The following SPRY4 variants were observed in gnomAD, a reference collection of about 807,000 sequenced individuals.
SPRY4 encodes the protein sprouty RTK signaling antagonist 4, also known as protein sprouty homolog 4.
SPRY4 carries 7 observed loss-of-function variants against 17.0 expected under a neutral mutation model. The observed-to-expected ratio is 0.41, with a 90% CI of 0.23 to 0.77. The LOEUF (loss-of-function observed/expected upper bound fraction) is 0.77. SPRY4 is among the 30% of genes least tolerant of loss of function. The pLI is 0.32. For synonymous variants in SPRY4, 183 were observed against 174.1 expected (o/e 1.05, Z -0.40); for missense variants, 435 against 419.9 (o/e 1.04, Z -0.31).
chr5:142,320,324 C>T (rs1010034056), intron 1 of SPRY4, among the ~76,000 whole-genome samples: 1 of 152,040 alleles, frequency 6.6e-6, no homozygotes, highest in African/African-American at 2.4e-5. Flanking sequence ...ATCTTTCTTC[C>T]TTCCCCCACC....
In SPRY4 at chr5:142,313,743, T is replaced by C. The variant is rs1160614014; in HGVS notation, c.*466A>G. 5.9e-6 allele frequency: 1 copy of C among 170,628 alleles called. No homozygotes were observed. The highest frequency in any genetic ancestry group is 1.3e-5 in the Non-Finnish European group (1 of 77,966). 10.6% of individuals were successfully genotyped at this position (170,628 alleles called of 1,614,324 possible). ...GTATAGAAGACTCCAAGGGTCTTCT[T>C]TAAAGGTACCCTGGTACTCAGTTAA... On this transcript the variant is annotated 3_prime_UTR_variant, in exon 2 of 2. Coordinates refer to ENST00000434127, the MANE Select transcript of SPRY4 (RefSeq NM_001127496.3).
chr5:142,318,465 G>A (rs1477086044), intron 1 of SPRY4, among the ~76,000 whole-genome samples: 1 of 151,048 alleles, frequency 6.6e-6, no homozygotes, highest in Non-Finnish European at 1.5e-5. Context: ...TAGCCTGAGT[G>A]ACAGAGCAAG....
intron 1 of SPRY4, chr5:142,317,433 T>C (rs1759192930): frequency 1.0e-6 from 1 of 985,186 alleles, no homozygotes. Context: ...CCCCGGACAA[T>C]GATAACATGA....
At position 142,313,019 on chromosome 5, in the gene SPRY4, A is replaced by T. The variant is rs960184123; in HGVS notation, c.*1190T>A. 8.5e-5 allele frequency: 13 copies of T among 152,572 alleles called. No individual in the cohort carries two copies. The highest frequency in any genetic ancestry group is 2.7e-4 in the African/African-American group (11 of 41,432). The allele number at this position is 152,572 out of a possible 1,614,324, so 9.5% of individuals were successfully genotyped here. On this transcript the variant is annotated 3_prime_UTR_variant, in exon 2 of 2. Transcript: ENST00000434127. ...TAAAGATACAGACACATCACTATAC[A>T]CAAAAGGCTATGACAGTGAGCAGCA...
At position 142,310,725 on chromosome 5, in the gene SPRY4, T is replaced by TTG. The variant is rs1561644017; in HGVS notation, c.*3483_*3484insCA. On this transcript the variant is annotated 3_prime_UTR_variant, in exon 2 of 2. Coordinates refer to ENST00000434127, the MANE Select transcript of SPRY4 (RefSeq NM_001127496.3). Reference sequence around the variant, plus strand: ...AACATGAAACCAAGCTGTGGGACAGTAAGAAGAGAAAGCAAGGCAAGACAC... The same window carrying TTG: ...AACATGAAACCAAGCTGTGGGACAGTTGAAGAAGAGAAAGCAAGGCAAGACAC... 6.6e-6 allele frequency: 1 copy of TTG among 151,864 alleles called. No individual in the cohort carries two copies. The highest frequency in any genetic ancestry group is 1.5e-5 in the Non-Finnish European group (1 of 67,972). 9.4% of individuals were successfully genotyped at this position (151,864 alleles called of 1,614,324 possible).
rs757791208 is a variant in SPRY4 at position 142,317,619 on chromosome 5, CTTT to C, written c.-47-2467_-47-2465del. 1.1e-5 allele frequency: 10 copies of C among 937,496 alleles called. No homozygotes were observed. In the East Asian group the frequency reaches 6.0e-4, roughly 57 times the overall value. The allele number at this position is 937,496 out of a possible 1,614,324, so 58.1% of individuals were successfully genotyped here. ...GACTCCCTTTCCTTAAGCAGATTCA[CTTT>C]TTTTTTTTTTTTTCATTTGTGAGGT... On this transcript the variant is annotated intron_variant, in intron 1 of 1. Transcript: ENST00000434127.
chr5:142,322,472 G>GAAAAAA (rs560148371), intron 1 of SPRY4, among the ~76,000 whole-genome samples: 1 of 135,320 alleles, frequency 7.4e-6, no homozygotes, highest in East Asian at 2.1e-4. Flanking sequence ...CTCGTCTCAA[G>GAAAAAA]AAAAAAAAAA....
intron 1 of SPRY4, chr5:142,315,468 A>G: frequency 3.4e-6 from 1 of 292,836 alleles, no homozygotes; most frequent in Non-Finnish European, 6.4e-6. Context: ...TAGAGAAAAG[A>G]CATGTTGAAA....
chr5:142,321,075 C>T (rs1473229897), intron 1 of SPRY4, among the ~76,000 whole-genome samples: 1 of 152,196 alleles, frequency 6.6e-6, no homozygotes, highest in Non-Finnish European at 1.5e-5. Context: ...GCCACATGTC[C>T]CGGATACATT....
chr5:142,316,101 T>C (rs1469481976), intron 1 of SPRY4, among the ~76,000 whole-genome samples: 1 of 152,178 alleles, frequency 6.6e-6, no homozygotes, highest in Non-Finnish European at 1.5e-5. Flanking sequence ...GGAAATCCTC[T>C]CGAGGGGCAC....
chr5:142,314,037 A>C lies in SPRY4; in HGVS notation c.*172T>G. ...AAGTGCTTCTTCATCACCTTGGGGAATACAGGGTACGTGGTGGTGGTCTCT... is the reference window on the plus strand; with the variant it reads ...AAGTGCTTCTTCATCACCTTGGGGACTACAGGGTACGTGGTGGTGGTCTCT... On this transcript the variant is annotated 3_prime_UTR_variant, in exon 2 of 2. Transcript: ENST00000434127. The surrounding 1 kb of genome is among the most constrained non-coding windows in gnomAD (Gnocchi z 4.8). The C allele has an allele frequency of 1.5e-6, 1 of 681,942 alleles. No individual in the cohort carries two copies. The highest frequency in any genetic ancestry group is 2.4e-6 in the Non-Finnish European group (1 of 414,766). The allele number at this position is 681,942 out of a possible 1,614,324, so 42.2% of individuals were successfully genotyped here. A position where few individuals can be genotyped will look rare whatever the true frequency, so the allele number is the denominator to read the frequency against.
At chr5:142,318,424 T>C (rs1427569052) in intron 1 of SPRY4, among the ~76,000 whole-genome samples, 4 of 151,346 alleles carry the variant, frequency 2.6e-5, no homozygotes, top group Non-Finnish European at 4.4e-5. Flanking sequence ...AGGCGGAGGT[T>C]GCTGTGAGCC....
In SPRY4 at chr5:142,325,015, A is replaced by C. The variant is rs1017964007; in HGVS notation, c.-219T>G. On this transcript the variant is annotated 5_prime_UTR_variant, in exon 1 of 2. Transcript: ENST00000434127. Reference sequence around the variant, plus strand: ...AGCTCAGCTCGCTACCTCCGCGGCGATGTTGCAACCACTGCCTGGGAAAAT... The same window carrying C: ...AGCTCAGCTCGCTACCTCCGCGGCGCTGTTGCAACCACTGCCTGGGAAAAT... 2 of 152,642 alleles carry C rather than the reference A, an allele frequency of 1.3e-5. No individual in the cohort carries two copies. Among genetic ancestry groups the C allele is most frequent in the Non-Finnish European group, 2.9e-5 (2 of 68,048 alleles). The allele number at this position is 152,642 out of a possible 1,614,324, so 9.5% of individuals were successfully genotyped here. A position where few individuals can be genotyped will look rare whatever the true frequency, so the allele number is the denominator to read the frequency against.
intron 1 of SPRY4, among the ~76,000 whole-genome samples, chr5:142,322,472 GAA>G (rs560148371): frequency 5.9e-5 from 8 of 135,326 alleles, no homozygotes; most frequent in African/African-American, 1.9e-4. Flanking sequence ...CTCGTCTCAA[GAA>G]AAAAAAAAAA....
In SPRY4 at chr5:142,320,618, G is replaced by C. The variant is rs72802002; in HGVS notation, c.-48+4226C>G. ...TGTCTGCTCAGATTCCCATAAAGAA[G>C]GATTAGAAGCCAAGAGTCAGTAAAG... On this transcript the variant is annotated intron_variant, in intron 1 of 1. Transcript: ENST00000434127. 4.8e-3 allele frequency among the ~76,000 whole-genome samples: 736 copies of C among 152,198 alleles called. 3 individuals carry two copies. The highest frequency in any genetic ancestry group is 0.027 in the Middle Eastern group (8 of 294).
intron 1 of SPRY4, among the ~76,000 whole-genome samples, chr5:142,322,881 C>T (rs1190856694): frequency 6.6e-6 from 1 of 152,160 alleles, no homozygotes; most frequent in African/African-American, 2.4e-5. Context: ...AGCCTCGCAG[C>T]ACGTGAGAAC....
chr5:142,315,004 G>A lies in SPRY4; in HGVS notation c.105C>T (p.Leu35=), dbSNP rs755066149. The A allele has an allele frequency of 1.5e-5, 25 of 1,613,848 alleles. No individual in the cohort carries two copies. The highest frequency in any genetic ancestry group is 2.2e-5 in the East Asian group (1 of 44,886). ...TCACCTGGTCAATGGGTAGGATGGTGAGTGGGTGCTGGAGCCGGCTGTGGG... is the reference window on the plus strand; with the variant it reads ...TCACCTGGTCAATGGGTAGGATGGTAAGTGGGTGCTGGAGCCGGCTGTGGG... ...RMSHSRLQHP[L]TILPIDQVKT... is the part of the protein sequence containing the mutation. The change falls in exon 2 of 2, where the codon CTC becomes CTT. Residue 35 remains leucine, a synonymous_variant. Coordinates refer to ENST00000434127, the MANE Select transcript of SPRY4 (RefSeq NM_001127496.3).
intron 1 of SPRY4, among the ~76,000 whole-genome samples, chr5:142,316,787 A>G (rs961975049): frequency 6.6e-5 from 10 of 152,220 alleles, no homozygotes; most frequent in Non-Finnish European, 1.3e-4. Flanking sequence ...TCCAGTATGT[A>G]TATCACTTAC....
At chr5:142,318,504 G>C (rs937836196) in intron 1 of SPRY4, among the ~76,000 whole-genome samples, 8 of 151,280 alleles carry the variant, frequency 5.3e-5, no homozygotes, top group African/African-American at 1.9e-4. Flanking sequence ...AAAAAAGAAA[G>C]AAAGAAAAAG....
Sources: gnomAD v4.1 joint callset for allele counts (sites outside exome capture counted in the v4.1 genomes callset) on GRCh38, gnomAD v4.1.1 for gene constraint, Gnocchi (gnomAD v3.1) non-coding constraint, MANE v1.5 for transcripts, NCBI Gene and HGNC (gene_info 2026-07-23, HGNC 2026-07-21) for gene names.